The following CTSE variants were observed in gnomAD, a reference collection of about 807,000 sequenced individuals.
The protein encoded by CTSE is erythrocyte membrane aspartic proteinase.
Under a neutral mutation model 42.8 loss-of-function variants are expected in CTSE, and 43 were observed. The observed-to-expected ratio is 1.01, with a 90% CI of 0.79 to 1.30. CTSE has a LOEUF of 1.30. Among genes scored for constraint, CTSE ranks in the 50% most tolerant of loss-of-function variants. The pLI is 0.00. For missense variants in CTSE, 532 were observed against 493.5 expected (o/e 1.08, Z -0.74); for synonymous variants, 205 against 191.5 (o/e 1.07, Z -0.58).
At chr1:206,013,267 A>G (rs909831819) in intron 6 of CTSE, among the ~76,000 whole-genome samples, 1 of 152,056 alleles carries the variant, frequency 6.6e-6, no homozygotes, top group Admixed American at 6.5e-5. Flanking sequence ...TTCCTGGCTC[A>G]GTTTCAATGT....
chr1:206,012,745 A>T, intron 6 of CTSE, 96 bp from the exon 7 acceptor site: 1 of 1,357,022 alleles, frequency 7.4e-7, no homozygotes, highest in South Asian at 1.3e-5. Context: ...GGAGCACATC[A>T]ATGATTTCCA....
rs1388431263 is a variant in CTSE, at chr1:206,009,693, T to C, written c.*490A>G. Reference sequence around the variant, plus strand: ...TATTTAAGGATGTTAGAAATATTTATGGACAAAATGATGTAATGCTCGGAA... The same window carrying C: ...TATTTAAGGATGTTAGAAATATTTACGGACAAAATGATGTAATGCTCGGAA... On this transcript the variant is annotated 3_prime_UTR_variant, in exon 9 of 9. Transcript: ENST00000358184. The C allele has an allele frequency of 6.4e-6, 1 of 156,144 alleles. No individual in the cohort carries two copies. The highest frequency in any genetic ancestry group is 1.4e-5 in the Non-Finnish European group (1 of 70,614). The allele number at this position is 156,144 out of a possible 1,614,324, so 9.7% of individuals were successfully genotyped here. A position where few individuals can be genotyped will look rare whatever the true frequency, so the allele number is the denominator to read the frequency against.
intron 6 of CTSE, 127 bp downstream of exon 6, chr1:206,013,645 C>T (rs1196080805): frequency 8.0e-7 from 1 of 1,244,790 alleles, no homozygotes; most frequent in Non-Finnish European, 1.1e-6. Context: ...CACCTCCATA[C>T]CTCCAACCAC....
intron 8 of CTSE, 141 bp from the exon 9 acceptor site, chr1:206,010,488 T>C: frequency 1.4e-6 from 1 of 718,870 alleles, no homozygotes; most frequent in Non-Finnish European, 2.5e-6. Context: ...GGTCGGTGGG[T>C]TCTTCCTCCT....
At position 206,022,928 on chromosome 1, in the gene CTSE, G is replaced by A. The variant is rs1553278678; in HGVS notation, c.198C>T (p.Ala66=). ...CCAAGTAGTTGATGAGGGGTTCCTT[G>A]GCACTCTGGTCCATTGAGCAGGACT... The part of the protein sequence containing the change: ...FTESCSMDQS[A]KEPLINYLDM... Residue 66 remains alanine, a synonymous_variant, in exon 2 of 9, where the codon GCC becomes GCT. Coordinates refer to ENST00000358184, the MANE Select transcript of CTSE (RefSeq NM_001910.4). 2 of 1,591,852 alleles carry A rather than the reference G, an allele frequency of 1.3e-6. No homozygotes were observed. Among genetic ancestry groups the A allele is most frequent in the South Asian group, 1.1e-5 (1 of 87,798 alleles).
In CTSE at chr1:206,022,050, C is replaced by T. The variant is rs1231272006; in HGVS notation, c.343+100G>A. 13 of 733,800 alleles carry T rather than the reference C, an allele frequency of 1.8e-5. No homozygotes were observed. The Admixed American group carries it at 3.5e-4, about 20-fold the overall frequency. 45.5% of individuals were successfully genotyped at this position (733,800 alleles called of 1,614,324 possible). A position where few individuals can be genotyped will look rare whatever the true frequency, so the allele number is the denominator to read the frequency against. On this transcript the variant is annotated intron_variant, in intron 3 of 8. Coordinates refer to ENST00000358184, the MANE Select transcript of CTSE (RefSeq NM_001910.4). ...TGGAAGCTGGTGTGGCAGGGATGGC[C>T]AGTTTCTGGAACCTAAGCCCCCCTT...
chr1:206,022,524 A>G (rs1661470566), intron 2 of CTSE, among the ~76,000 whole-genome samples: 1 of 152,102 alleles, frequency 6.6e-6, no homozygotes, highest in South Asian at 2.1e-4. Flanking sequence ...TTATAAATAC[A>G]TTGTAGGAGA....
In CTSE at chr1:206,010,355, T is replaced by C. The variant is rs1553276779; in HGVS notation, c.1027-8A>G. The C allele has an allele frequency of 6.2e-7, 1 of 1,611,240 alleles. No homozygotes were observed. Among genetic ancestry groups the C allele is most frequent in the South Asian group, 1.1e-5 (1 of 91,002 alleles). On this transcript the variant is annotated splice_polypyrimidine_tract_variant and splice_region_variant and intron_variant, in intron 8 of 8. Coordinates refer to ENST00000358184, the MANE Select transcript of CTSE (RefSeq NM_001910.4). ...CATTCCATCCACGAAGTCCTGTGGG[T>C]TGGAAAGAAGGATGCAAATGACAAA...
In CTSE at chr1:206,013,773, T is replaced by C; in HGVS notation, c.784A>G (p.Asn262Asp). ...CACTACTTCATGGGGAATACTCACT[T>C]ATCCAGTGCAATCTGCCAGTAAGCT... Reference protein sequence around the residue: ...KQAYWQIALDNIQVGGTVMFC... With the variant: ...KQAYWQIALDDIQVGGTVMFC... The change falls in exon 6 of 9, where the codon AAC becomes GAC. Residue 262 changes from asparagine to aspartate, a missense_variant and splice_region_variant. Asn to Asp is a conservative substitution (Grantham distance 23, BLOSUM62 1). Coordinates refer to ENST00000358184, the MANE Select transcript of CTSE (RefSeq NM_001910.4). The C allele has an allele frequency of 6.2e-7, 1 of 1,613,656 alleles. No individual in the cohort carries two copies. The highest frequency in any genetic ancestry group is 2.2e-5 in the East Asian group (1 of 44,874).
At chr1:206,013,675 C>T in intron 6 of CTSE, 97 bp downstream of exon 6, 1 of 1,467,758 alleles carries the variant, frequency 6.8e-7, no homozygotes. Flanking sequence ...CTGGCATCCT[C>T]TGCTAGTGAC....
chr1:206,013,735 C>G, intron 6 of CTSE, 37 bp downstream of exon 6: 1 of 1,607,364 alleles, frequency 6.2e-7, no homozygotes, highest in Non-Finnish European at 8.5e-7. Context: ...TTTCAGTTTA[C>G]CCCTAGTACT....
chr1:206,010,388 A>C (rs965536908), intron 8 of CTSE, 41 bp from the exon 9 acceptor site: 3 of 1,562,214 alleles, frequency 1.9e-6, no homozygotes, highest in Admixed American at 1.7e-5. Flanking sequence ...AAACGGGGGA[A>C]GAAGGTAGTA....
chr1:206,020,742 G>A (rs1283440829), intron 4 of CTSE, among the ~76,000 whole-genome samples: 3 of 151,946 alleles, frequency 2.0e-5, no homozygotes, highest in South Asian at 4.1e-4. Flanking sequence ...AGACGGAGAC[G>A]TGGTTTTATC....
Position 206,016,034 on chromosome 1 carries a change from G to A in CTSE, c.559C>T (p.Leu187=), listed in dbSNP as rs1433391087. 1.2e-6 allele frequency: 2 copies of A among 1,613,902 alleles called. No homozygotes were observed. The highest frequency in any genetic ancestry group is 3.3e-5 in the Admixed American group (2 of 60,010). The change falls in exon 5 of 9, where the codon CTG becomes TTG. Residue 187 remains leucine, a synonymous_variant. Coordinates refer to ENST00000358184, the MANE Select transcript of CTSE (RefSeq NM_001910.4). ...CCCACAGCCAAGGAGGGGTATCCCAGGCCCAGAATTCCATCAAACTCTGCA... is the reference window on the plus strand; with the variant it reads ...CCCACAGCCAAGGAGGGGTATCCCAAGCCCAGAATTCCATCAAACTCTGCA... ...VDAEFDGILG[L]GYPSLAVGGV... is the part of the protein sequence containing the mutation.
At chr1:206,022,811 G>C (rs376688608) in intron 2 of CTSE, 90 bp downstream of exon 2, 2 of 1,220,214 alleles carry the variant, frequency 1.6e-6, no homozygotes, top group African/African-American at 3.1e-5. Context: ...AATGGCCTTC[G>C]GTGCTACTGA....
intron 5 of CTSE, among the ~76,000 whole-genome samples, 163 bp downstream of exon 5, chr1:206,015,768 C>T (rs1335920877): frequency 6.6e-6 from 1 of 152,084 alleles, no homozygotes; most frequent in Non-Finnish European, 1.5e-5. Context: ...AAGCAAATCC[C>T]ATTTCCTCAA....
intron 2 of CTSE, among the ~76,000 whole-genome samples, chr1:206,022,581 C>T (rs1661472061): frequency 6.6e-6 from 1 of 151,970 alleles, no homozygotes; most frequent in African/African-American, 2.4e-5. Flanking sequence ...GGAACTGGGG[C>T]TGGGAGAGGT....
chr1:206,011,578 G>T (rs1380368546), intron 8 of CTSE, among the ~76,000 whole-genome samples: 9 of 152,056 alleles, frequency 5.9e-5, no homozygotes, highest in Admixed American at 1.3e-4. Flanking sequence ...TTGTCTGTTG[G>T]TGGCTTTGGG....
chr1:206,021,386 C>A (rs1193381335), intron 3 of CTSE: 3 of 545,560 alleles, frequency 5.5e-6, no homozygotes, highest in Non-Finnish European at 9.8e-6. Context: ...TATCCCTGAG[C>A]AAACCTGATT....
Sources: allele counts gnomAD v4.1 joint callset (sites outside exome capture counted in the v4.1 genomes callset), GRCh38; gene constraint gnomAD v4.1.1; transcripts MANE v1.5; gene names NCBI Gene and HGNC (gene_info 2026-07-23, HGNC 2026-07-21).